SRP19: variants seen among roughly 807,000 people sequenced by gnomAD.
The protein encoded by SRP19 is signal recognition particle 19 kDa protein.
A neutral mutation model predicts 22.4 loss-of-function variants in SRP19; 11 were observed. That is an observed-to-expected ratio of 0.49 (90% CI 0.31 to 0.81). The LOEUF (loss-of-function observed/expected upper bound fraction) is 0.81. Among genes scored for constraint, SRP19 ranks in the 40% least tolerant of loss-of-function variants. SRP19 has a pLI of 0.05. For synonymous variants in SRP19, 61 were observed against 57.6 expected (o/e 1.06, Z -0.27); for missense variants, 168 against 175.9 (o/e 0.96, Z 0.25).
chr5:112,861,585 A>C (rs544743399), intron 1 of SRP19, among the ~76,000 whole-genome samples, 168 bp downstream of exon 1: 13 of 152,364 alleles, frequency 8.5e-5, no homozygotes, highest in African/African-American at 2.4e-4. Context: ...TGAATCCTGC[A>C]GCAGCCACCA....
In SRP19 at chr5:112,867,939, A is replaced by G; in HGVS notation, c.*402A>G. ...CAGCTTTTGCTTATATACTAATGCT[A>G]GGAGAGGAGGGATAATTAAGAATAA... On this transcript the variant is annotated 3_prime_UTR_variant, in exon 5 of 5. Transcript: ENST00000505459. 1 of 988,258 alleles carries G rather than the reference A, an allele frequency of 1.0e-6. No individual in the cohort carries two copies. Among genetic ancestry groups the G allele is most frequent in the Non-Finnish European group, 1.2e-6 (1 of 831,414 alleles). 61.2% of individuals were successfully genotyped at this position (988,258 alleles called of 1,614,324 possible).
intron 1 of SRP19, among the ~76,000 whole-genome samples, chr5:112,862,159 G>GT (rs1448235611): frequency 2.0e-5 from 3 of 152,166 alleles, no homozygotes; most frequent in Non-Finnish European, 4.4e-5. Flanking sequence ...ACTCCACAGG[G>GT]TGGGAGCCGG....
chr5:112,877,915 T>C (rs1015089318), intron 4 of SRP19: 3 of 152,116 alleles, frequency 2.0e-5, no homozygotes, highest in Non-Finnish European at 2.9e-5. Context: ...TAGACAAATA[T>C]GTAAAGTTTA....
chr5:112,889,933 T>A (rs1768382336), intron 4 of SRP19, among the ~76,000 whole-genome samples: 2 of 150,188 alleles, frequency 1.3e-5, no homozygotes, highest in Non-Finnish European at 2.9e-5. Context: ...TTCAAGCGAT[T>A]CTCCTGTCTC....
chr5:112,893,094 T>TTAAAAAAAAAAAAAAAAAAA (rs781185558), downstream of SRP19: 1 of 457,294 alleles, frequency 2.2e-6, no homozygotes, highest in African/African-American at 2.3e-5. Context: ...GTTTTGTTCT[T>TTAAAAAAAAAAAAAAAAAAA]AAAAAAAAAA....
exon 5 of SRP19, chr5:112,892,756 G>T: frequency 6.2e-7 from 1 of 1,613,894 alleles, no homozygotes. Flanking sequence ...GGAGAAGATG[G>T]GCCACCACGA....
At chr5:112,878,878 T>G (rs775205549) in intron 4 of SRP19, 2 of 1,613,470 alleles carry the variant, frequency 1.2e-6, no homozygotes, top group Non-Finnish European at 1.7e-6. Context: ...ATCAAAGCTC[T>G]TTCTTTGGAA....
At chr5:112,862,681 A>G in intron 2 of SRP19, 98 bp downstream of exon 2, 1 of 1,033,672 alleles carries the variant, frequency 9.7e-7, no homozygotes, top group East Asian at 2.6e-5. Context: ...GGTTCTCTTC[A>G]CTGCATTTAT....
intron 2 of SRP19, among the ~76,000 whole-genome samples, chr5:112,864,022 T>C (rs1420338744): frequency 6.6e-6 from 1 of 152,212 alleles, no homozygotes; most frequent in Non-Finnish European, 1.5e-5. Flanking sequence ...TTAGAGAACA[T>C]ATTTTTGCTT....
chr5:112,892,261 A>G (rs776362524), exon 5 of SRP19: 1 of 1,614,138 alleles, frequency 6.2e-7, no homozygotes, highest in South Asian at 1.1e-5. Context: ...CCTTCTTATT[A>G]AGAGCATGTT....
At chr5:112,862,298 G>C (rs1767430910) in intron 1 of SRP19, 1 of 600,756 alleles carries the variant, frequency 1.7e-6, no homozygotes, top group Non-Finnish European at 3.0e-6. Flanking sequence ...AAGAGGAGTA[G>C]GCCCGCGGCC....
At chr5:112,867,309 A>G in intron 4 of SRP19, 95 bp from the exon 5 acceptor site, 1 of 1,392,346 alleles carries the variant, frequency 7.2e-7, no homozygotes, top group Admixed American at 2.3e-5. Context: ...CATTTTCTTG[A>G]TGTGATAGTT....
At chr5:112,875,674 ATCAAAATTC>A (rs993192168) in intron 4 of SRP19, among the ~76,000 whole-genome samples, 12 of 152,062 alleles carry the variant, frequency 7.9e-5, no homozygotes, top group Non-Finnish European at 1.5e-4. Context: ...GGGTATTTTT[ATCAAAATTC>A]TCAAGTACTC....
At chr5:112,873,088 CT>C (rs34944142), downstream of SRP19, among the ~76,000 whole-genome samples, 57,069 of 116,300 alleles carry the variant, frequency 0.49, 12,908 homozygotes, top group South Asian at 0.65. Flanking sequence ...TTGTGTGGGT[CT>C]TTTTTTTTTT....
At chr5:112,864,353 T>C in intron 2 of SRP19, 104 bp from the exon 3 acceptor site, 2 of 978,296 alleles carry the variant, frequency 2.0e-6, no homozygotes, top group Middle Eastern at 3.2e-4. Flanking sequence ...AAACCTAGGG[T>C]TTTGGTACTT....
downstream of SRP19, among the ~76,000 whole-genome samples, chr5:112,873,770 T>TC (rs1399780958): frequency 1.4e-5 from 1 of 70,076 alleles, no homozygotes; most frequent in Non-Finnish European, 2.7e-5. Context: ...GTTTCCAAGT[T>TC]CCTTTTTTTC....
At chr5:112,887,033 C>G (rs777460816) in intron 4 of SRP19, 1 of 1,609,358 alleles carries the variant, frequency 6.2e-7, no homozygotes, top group Non-Finnish European at 8.5e-7. Context: ...GTGATGGCAT[C>G]TGCAGTCTCT....
At chr5:112,863,120 A>G (rs780731341) in intron 2 of SRP19, among the ~76,000 whole-genome samples, 1 of 152,232 alleles carries the variant, frequency 6.6e-6, no homozygotes, top group Non-Finnish European at 1.5e-5. Flanking sequence ...AAACACTACA[A>G]GCATCCAGGA....
chr5:112,889,068 T>A (rs1047724672), intron 4 of SRP19, among the ~76,000 whole-genome samples: 6 of 150,942 alleles, frequency 4.0e-5, no homozygotes, highest in African/African-American at 1.2e-4. Flanking sequence ...CCTTTGCTTT[T>A]CCTTCATCTT....
Sources: gnomAD v4.1 joint callset for allele counts (sites outside exome capture counted in the v4.1 genomes callset) on GRCh38, gnomAD v4.1.1 for gene constraint, MANE v1.5 for transcripts, NCBI Gene and HGNC (gene_info 2026-07-23, HGNC 2026-07-21) for gene names.